SORCS2: variants seen among roughly 807,000 people sequenced by gnomAD.
SORCS2 encodes the protein VPS10 domain-containing receptor SorCS2.
Under a neutral mutation model 141.6 loss-of-function variants are expected in SORCS2, and 100 were observed. The ratio of observed to expected loss-of-function variants is 0.71; its 90% CI spans 0.60 to 0.83. The LOEUF (loss-of-function observed/expected upper bound fraction) is 0.83, where lower values mean the gene tolerates loss of function less well. Ranked by LOEUF, SORCS2 falls within the 40% of genes least tolerant of loss-of-function variation. SORCS2 has a pLI of 0.00. For missense variants in SORCS2, 1,646 were observed against 1,560.2 expected (o/e 1.05, Z -0.93); for synonymous variants, 789 against 676.9 (o/e 1.17, Z -2.57).
rs1183023585 is a variant in SORCS2, at chr4:7,473,349, G to C, written c.549-58181G>C. On this transcript the variant is annotated intron_variant, in intron 2 of 26. Transcript: ENST00000507866. Reference sequence around the variant, plus strand: ...GAGCCCTCAGCCCAGGGGCAATTGGGTGCCTACAGGGACCCTGGTAATGTG... The same window carrying C: ...GAGCCCTCAGCCCAGGGGCAATTGGCTGCCTACAGGGACCCTGGTAATGTG... Among the ~76,000 whole-genome samples, 18 of 152,316 alleles carry C rather than the reference G, an allele frequency of 1.2e-4. No homozygotes were observed. In the South Asian group the frequency reaches 1.2e-3, roughly 11 times the overall value.
chr4:7,255,608 CT>C (rs990083179), intron 1 of SORCS2, among the ~76,000 whole-genome samples: 2 of 152,182 alleles, frequency 1.3e-5, no homozygotes, highest in African/African-American at 4.8e-5. Context: ...GCTCAAGAAG[CT>C]GGTTAGCCTC....
At chr4:7,241,655 A>G (rs565128377) in intron 1 of SORCS2, among the ~76,000 whole-genome samples, 1 of 152,166 alleles carries the variant, frequency 6.6e-6, no homozygotes, top group East Asian at 1.9e-4. Flanking sequence ...CAGGAGACGC[A>G]CTGAGAACTC....
chr4:7,636,563 T>C (rs1400021409), intron 3 of SORCS2, among the ~76,000 whole-genome samples: 1 of 152,048 alleles, frequency 6.6e-6, no homozygotes, highest in East Asian at 1.9e-4. Flanking sequence ...CGGGGCCACC[T>C]GTGAGTGTCT....
rs573551568 is a variant in SORCS2 at position 7,316,422 on chromosome 4, C to T, written c.481-79866C>T. On this transcript the variant is annotated intron_variant, in intron 1 of 26. Coordinates refer to ENST00000507866, the MANE Select transcript of SORCS2 (RefSeq NM_020777.3). ...ACTTCCATTGACAATCTTCTATATG[C>T]CAGTTTAGCCTCAGCCCAAGCACAA... 1.9e-4 allele frequency among the ~76,000 whole-genome samples: 29 copies of T among 152,274 alleles called. No individual in the cohort carries two copies. The South Asian group carries it at 4.8e-3, about 25-fold the overall frequency.
intron 1 of SORCS2, among the ~76,000 whole-genome samples, chr4:7,282,685 G>A (rs922481763): frequency 2.0e-5 from 3 of 152,192 alleles, no homozygotes; most frequent in African/African-American, 7.2e-5. Context: ...ACCCTAGGTT[G>A]GAGGTGATTT....
At chr4:7,213,864 T>C (rs1728182265) in intron 1 of SORCS2, among the ~76,000 whole-genome samples, 1 of 152,214 alleles carries the variant, frequency 6.6e-6, no homozygotes, top group Non-Finnish European at 1.5e-5. Flanking sequence ...TGTAGTGGAC[T>C]CAGCCACATG....
intron 2 of SORCS2, among the ~76,000 whole-genome samples, chr4:7,450,001 GC>G (rs1182762553): frequency 6.6e-6 from 1 of 152,180 alleles, no homozygotes; most frequent in Non-Finnish European, 1.5e-5. Context: ...GAAGAATGGG[GC>G]CCCTGGGACA....
At chr4:7,196,012 C>T (rs1397585519) in intron 1 of SORCS2, among the ~76,000 whole-genome samples, 7 of 152,166 alleles carry the variant, frequency 4.6e-5, no homozygotes. Flanking sequence ...CTTTTGAGAG[C>T]ATCCCACAAG....
chr4:7,723,855 T>A lies in SORCS2; in HGVS notation c.2583T>A (p.Asp861Glu). 1 of 1,610,730 alleles carries A rather than the reference T, an allele frequency of 6.2e-7. No homozygotes were observed. The highest frequency in any genetic ancestry group is 8.5e-7 in the Non-Finnish European group (1 of 1,179,726). The change falls in exon 19 of 27, where the codon GAT (aspartate) becomes GAA (glutamate). Residue 861 changes from aspartate to glutamate, a missense_variant. Asp to Glu is a conservative substitution (Grantham distance 45). Coordinates refer to ENST00000507866, the MANE Select transcript of SORCS2 (RefSeq NM_020777.3). The part of the protein sequence containing the change: ...SVRAENTAGH[D>E]EAVLFVQVNS... ...GGGCAGAGAACACGGCAGGCCACGA[T>A]GAGGCGGTGCTCTTTGTCCAGGTCA...
At chr4:7,503,656 G>A (rs910760344) in intron 2 of SORCS2, among the ~76,000 whole-genome samples, 7 of 151,158 alleles carry the variant, frequency 4.6e-5, no homozygotes, top group Non-Finnish European at 8.9e-5. Flanking sequence ...ATGGAGGTGG[G>A]GGTGCAGATG....
At chr4:7,431,662 G>T (rs553186741) in intron 2 of SORCS2, 1 of 152,200 alleles carries the variant, frequency 6.6e-6, no homozygotes, top group Non-Finnish European at 1.5e-5. Flanking sequence ...TGGCCCATCC[G>T]GTGGCCAGGC....
intron 2 of SORCS2, among the ~76,000 whole-genome samples, chr4:7,511,364 AGT>A (rs1286132527): frequency 7.3e-5 from 7 of 95,492 alleles, no homozygotes; most frequent in Middle Eastern, 5.4e-3. Context: ...AGAGAGAGAG[AGT>A]GAGAGGTACA....
In SORCS2 at chr4:7,664,403, A is replaced by G. The variant is rs764596888; in HGVS notation, c.1003A>G (p.Thr335Ala). ...CCACAATTGCTCCGAGAAGATGCTG[A>G]CAGCCCCATTCGCAGGCCCCATTGA... Reference protein sequence around the residue: ...AIHNCSEKMLTAPFAGPIDHG... With the variant: ...AIHNCSEKMLAAPFAGPIDHG... The change falls in exon 7 of 27, where the codon ACA becomes GCA. Residue 335 changes from threonine to alanine, a missense_variant. Physicochemically the swap from Thr to Ala is moderately conservative, Grantham distance 58. Coordinates refer to ENST00000507866, the MANE Select transcript of SORCS2 (RefSeq NM_020777.3). This position sits in a 1 kb window ranked among gnomAD's most constrained non-coding sequence, Gnocchi z 4.7. The G allele has an allele frequency of 5.0e-6, 8 of 1,613,794 alleles. No individual in the cohort carries two copies. The African/African-American group carries it at 1.1e-4, about 22-fold the overall frequency.
intron 1 of SORCS2, among the ~76,000 whole-genome samples, chr4:7,262,323 C>T (rs897065883): frequency 6.8e-6 from 1 of 147,912 alleles, no homozygotes; most frequent in African/African-American, 2.7e-5. Flanking sequence ...CCTATCCATC[C>T]ATCCATCCAT....
chr4:7,609,320 C>A (rs1718257307), intron 3 of SORCS2, among the ~76,000 whole-genome samples: 1 of 152,106 alleles, frequency 6.6e-6, no homozygotes, highest in Non-Finnish European at 1.5e-5. Context: ...CTAAACCAGC[C>A]AAAGTTTCTG....
intron 2 of SORCS2, among the ~76,000 whole-genome samples, chr4:7,453,946 AGCTGTGTGTTGGGGTCAGGT>A (rs1160204555): frequency 0.021 from 1,121 of 53,398 alleles, 37 homozygotes; most frequent in Middle Eastern, 0.037. Context: ...TGGGGTCAGG[AGCTGTGTGTTGGGGTCAGGT>A]GCTGTGTGTT....
chr4:7,396,476 G>C (rs1560250545), intron 2 of SORCS2, 121 bp downstream of exon 2: 1 of 948,536 alleles, frequency 1.1e-6, no homozygotes. Flanking sequence ...CAGTGGCCTC[G>C]CAACTTTTCT....
intron 1 of SORCS2, among the ~76,000 whole-genome samples, chr4:7,222,284 G>A (rs550903679): frequency 1.3e-4 from 20 of 152,322 alleles, no homozygotes; most frequent in Non-Finnish European, 2.4e-4. Context: ...GCCCATCCAC[G>A]TGGTAGAATA....
At position 7,338,089 on chromosome 4, in the gene SORCS2, C is replaced by CTGGATGGATGT. The variant is rs1407294700; in HGVS notation, c.481-58177_481-58167dup. Reference sequence around the variant, plus strand: ...CACCTAGAAGATGTTGGCTGGCTGGCTGGATGGATGTTGGATGGATGTTGG... The same window carrying CTGGATGGATGT: ...CACCTAGAAGATGTTGGCTGGCTGGCTGGATGGATGTTGGATGGATGTTGGATGGATGTTGG... On this transcript the variant is annotated intron_variant, in intron 1 of 26. Coordinates refer to ENST00000507866, the MANE Select transcript of SORCS2 (RefSeq NM_020777.3). Among the ~76,000 whole-genome samples, 3 of 124,254 alleles carry CTGGATGGATGT rather than the reference C, an allele frequency of 2.4e-5. No individual in the cohort carries two copies. The East Asian group carries it at 7.5e-4, about 31-fold the overall frequency. The allele number at this position is 124,254 out of a possible 152,430, so 81.5% of individuals were successfully genotyped here. A position where few individuals can be genotyped will look rare whatever the true frequency, so the allele number is the denominator to read the frequency against.
Sources: allele counts gnomAD v4.1 joint callset (sites outside exome capture counted in the v4.1 genomes callset), GRCh38; gene constraint gnomAD v4.1.1; non-coding constraint Gnocchi (gnomAD v3.1); transcripts MANE v1.5; gene names NCBI Gene and HGNC (gene_info 2026-07-23, HGNC 2026-07-21).